The following PEAK1 variants were observed in gnomAD, a reference collection of about 807,000 sequenced individuals.
PEAK1 encodes the protein inactive tyrosine-protein kinase PEAK1.
PEAK1 carries 54 observed loss-of-function variants against 124.7 expected under a neutral mutation model. The observed-to-expected ratio is 0.43, with a 90% confidence interval of 0.35 to 0.54. The LOEUF (loss-of-function observed/expected upper bound fraction) is 0.54, where lower values mean the gene tolerates loss of function less well. Among genes scored for constraint, PEAK1 ranks in the 20% least tolerant of loss-of-function variants. PEAK1 has a pLI of 0.01. For missense variants in PEAK1, 2,046 were observed against 2,134.5 expected, an observed-to-expected ratio of 0.96 and a Z score of 0.82; for synonymous variants, 719 against 760.0, an observed-to-expected ratio of 0.95 and a Z score of 0.89.
At chr15:77,282,421 A>C (rs2062720240) in intron 5 of PEAK1, among the ~76,000 whole-genome samples, 1 of 152,216 alleles carries the variant, frequency 6.6e-6, no homozygotes, top group African/African-American at 2.4e-5. Context: ...TTACTGTTTC[A>C]GCAATTTCTT....
chr15:77,257,270 T>C (rs1377475034), intron 5 of PEAK1, among the ~76,000 whole-genome samples: 1 of 151,748 alleles, frequency 6.6e-6, no homozygotes, highest in African/African-American at 2.4e-5. Context: ...TCAAATGGTA[T>C]TTCTAGTTCT....
chr15:77,170,060 T>G (rs1352551746), intron 7 of PEAK1, among the ~76,000 whole-genome samples: 1 of 152,210 alleles, frequency 6.6e-6, no homozygotes, highest in Admixed American at 6.5e-5. Context: ...CGATGATGTT[T>G]AGCCAGGGGT....
rs570319324 is a variant in PEAK1, at chr15:77,136,160, CGTT to C, written c.3332-2413_3332-2411del. Among the ~76,000 whole-genome samples, 577 of 152,222 alleles carry C rather than the reference CGTT, an allele frequency of 3.8e-3. 4 individuals carry two copies. Among genetic ancestry groups the C allele is most frequent in the African/African-American group, 0.013 (545 of 41,530 alleles). ...TGGTCTCAGATGGAGATAAGGAACT[CGTT>C]GTGAACTGGAGCAAAGGTAACTCTT... On this transcript the variant is annotated intron_variant, in intron 8 of 9. Transcript: ENST00000682557.
chr15:77,386,806 A>G (rs1160275216), intron 1 of PEAK1, among the ~76,000 whole-genome samples: 1 of 152,202 alleles, frequency 6.6e-6, no homozygotes, highest in African/African-American at 2.4e-5. Flanking sequence ...CTATGTCTAG[A>G]TTCCTACTGA....
intron 1 of PEAK1, among the ~76,000 whole-genome samples, chr15:77,378,874 C>A (rs7176302): frequency 1.3e-5 from 2 of 151,946 alleles, no homozygotes; most frequent in Admixed American, 1.3e-4. Flanking sequence ...GAAGTAATCA[C>A]CATGTCTTTA....
intron 6 of PEAK1, among the ~76,000 whole-genome samples, chr15:77,205,411 G>A (rs988805281): frequency 1.3e-5 from 2 of 152,050 alleles, no homozygotes; most frequent in African/African-American, 4.8e-5. Flanking sequence ...GTTAGTTTTA[G>A]GATATAGTTA....
At chr15:77,175,486 AAAGACACATG>A (rs1482990847) in intron 7 of PEAK1, among the ~76,000 whole-genome samples, 9 of 151,694 alleles carry the variant, frequency 5.9e-5, no homozygotes, top group African/African-American at 2.2e-4. Flanking sequence ...TATGCAGCCA[AAAGACACATG>A]AAAAAATGCT....
At chr15:77,136,346 TTTATAAGGGAAGCAGAGCATAAAAG>T (rs1383526507) in intron 8 of PEAK1, among the ~76,000 whole-genome samples, 2 of 152,080 alleles carry the variant, frequency 1.3e-5, no homozygotes, top group African/African-American at 4.8e-5. Flanking sequence ...GGCATTCAGT[TTTATAAGGGAAGCAGAGCATAAAAG>T]TTCAGAAAAT....
At chr15:77,233,086 T>C (rs1028664930) in intron 6 of PEAK1, among the ~76,000 whole-genome samples, 1 of 152,136 alleles carries the variant, frequency 6.6e-6, no homozygotes, top group African/African-American at 2.4e-5. Flanking sequence ...CCATTCCAGA[T>C]AATTCCCACT....
At chr15:77,264,217 C>A (rs1176902385) in intron 5 of PEAK1, among the ~76,000 whole-genome samples, 1 of 152,076 alleles carries the variant, frequency 6.6e-6, no homozygotes, top group African/African-American at 2.4e-5. Context: ...CCCTCTCTCA[C>A]CACTCCTATT....
At chr15:77,217,464 G>A (rs981709220) in intron 6 of PEAK1, among the ~76,000 whole-genome samples, 1 of 152,136 alleles carries the variant, frequency 6.6e-6, no homozygotes, top group Non-Finnish European at 1.5e-5. Context: ...CAAAGCTTTA[G>A]CAGAAAAATG....
chr15:77,226,640 T>C (rs947439542), intron 6 of PEAK1, among the ~76,000 whole-genome samples: 8 of 152,110 alleles, frequency 5.3e-5, no homozygotes, highest in African/African-American at 1.9e-4. Context: ...CACGAAAAGA[T>C]AGCTTGAGAA....
intron 9 of PEAK1, among the ~76,000 whole-genome samples, chr15:77,125,645 C>A (rs2052312734): frequency 6.6e-6 from 1 of 152,182 alleles, no homozygotes; most frequent in Non-Finnish European, 1.5e-5. Flanking sequence ...AAGGTAACAG[C>A]TAATATGTAG....
At chr15:77,345,982 A>T (rs2066852826) in intron 2 of PEAK1, 1 of 985,274 alleles carries the variant, frequency 1.0e-6, no homozygotes, top group African/African-American at 1.7e-5. Flanking sequence ...AAAGAATACA[A>T]CTGAATAAAT....
At position 77,180,971 on chromosome 15, in the gene PEAK1, C is replaced by T. The variant is rs147158185; in HGVS notation, c.956G>A (p.Gly319Asp). The change falls in exon 7 of 10, where the codon GGT (glycine) becomes GAT (aspartate). Residue 319 changes from glycine to aspartate, a missense_variant. Transcript: ENST00000682557. ...YDDSYDEILN[G>D]YEENSVVSYG... is the part of the protein sequence containing the mutation. Reference sequence around the variant, plus strand: ...AGAGACCACAGAATTTTCCTCATAACCATTCAGGATTTCATCATAGCTGTC... The same window carrying T: ...AGAGACCACAGAATTTTCCTCATAATCATTCAGGATTTCATCATAGCTGTC... The T allele has an allele frequency of 1.3e-4, 204 of 1,614,182 alleles. 1 individual carries two copies. In the Middle Eastern group the frequency reaches 1.6e-3, roughly 13 times the overall value.
intron 1 of PEAK1, among the ~76,000 whole-genome samples, chr15:77,366,412 C>G (rs2068242733): frequency 6.6e-6 from 1 of 152,074 alleles, no homozygotes; most frequent in Non-Finnish European, 1.5e-5. Flanking sequence ...ATTTTTAGGA[C>G]TGTTTGTTAC....
chr15:77,356,538 C>T (rs2067526975), intron 2 of PEAK1, among the ~76,000 whole-genome samples: 4 of 152,180 alleles, frequency 2.6e-5, no homozygotes, highest in Middle Eastern at 3.4e-3. Flanking sequence ...ATCTTGCATA[C>T]GCATAAGAGA....
At chr15:77,397,933 C>T (rs540466516) in intron 1 of PEAK1, among the ~76,000 whole-genome samples, 17 of 152,168 alleles carry the variant, frequency 1.1e-4, no homozygotes, top group Admixed American at 3.9e-4. Flanking sequence ...GGCATGGTGG[C>T]GCATGCCTGT....
intron 6 of PEAK1, among the ~76,000 whole-genome samples, chr15:77,235,914 C>A (rs1403172914): frequency 6.6e-6 from 1 of 152,222 alleles, no homozygotes; most frequent in Non-Finnish European, 1.5e-5. Flanking sequence ...GGTGCAAGCC[C>A]CAAGCCTTGG....
Sources: allele counts gnomAD v4.1 joint callset (sites outside exome capture counted in the v4.1 genomes callset), GRCh38; gene constraint gnomAD v4.1.1; transcripts MANE v1.5; gene names NCBI Gene and HGNC (gene_info 2026-07-23, HGNC 2026-07-21).